LMO7: variants seen among roughly 807,000 people sequenced by gnomAD.
LMO7 encodes the protein LIM domain only protein 7.
Under a neutral mutation model 206.5 loss-of-function variants are expected in LMO7, and 120 were observed. The observed-to-expected ratio is 0.58, with a 90% CI of 0.50 to 0.68. The LOEUF is 0.68. Ranked by LOEUF, LMO7 falls within the 30% of genes least tolerant of loss-of-function variation. LMO7 has a pLI of 0.00. For synonymous variants in LMO7, 706 were observed against 681.5 expected (o/e 1.04, Z -0.56); for missense variants, 1,959 against 1,957.9 (o/e 1.00, Z -0.01).
At chr13:75,751,794 T>G (rs1377860238) in intron 3 of LMO7, among the ~76,000 whole-genome samples, 2 of 152,230 alleles carry the variant, frequency 1.3e-5, no homozygotes, top group African/African-American at 4.8e-5. Context: ...CTCAGGAAGT[T>G]TTTGCAGTAG....
At chr13:75,661,679 C>G (rs781726693) in intron 1 of LMO7, among the ~76,000 whole-genome samples, 4 of 152,180 alleles carry the variant, frequency 2.6e-5, no homozygotes, top group Non-Finnish European at 4.4e-5. Context: ...GGAAAATGTC[C>G]CCTGCGCCAG....
intron 1 of LMO7, among the ~76,000 whole-genome samples, chr13:75,680,632 T>C (rs1450499586): frequency 6.6e-6 from 1 of 152,038 alleles, no homozygotes; most frequent in Admixed American, 6.6e-5. Context: ...GCAGTTTTAT[T>C]ACATAGGATA....
chr13:75,846,128 T>C (rs962627620), intron 26 of LMO7, among the ~76,000 whole-genome samples: 1 of 152,064 alleles, frequency 6.6e-6, no homozygotes, highest in South Asian at 2.1e-4. Flanking sequence ...TCTGTTTTCA[T>C]GTGTTATCTT....
At chr13:75,842,459 G>T (rs545045042) in intron 24 of LMO7, among the ~76,000 whole-genome samples, 9 of 151,956 alleles carry the variant, frequency 5.9e-5, no homozygotes, top group Non-Finnish European at 1.2e-4. Context: ...TAAAATACAG[G>T]CCCCTTCTCA....
intron 4 of LMO7, among the ~76,000 whole-genome samples, chr13:75,794,028 G>A (rs992024402): frequency 6.6e-6 from 1 of 152,126 alleles, no homozygotes; most frequent in East Asian, 1.9e-4. Flanking sequence ...ATTTCATTAC[G>A]TGGATATGCC....
At chr13:75,809,351 T>C (rs1166919953) in intron 11 of LMO7, among the ~76,000 whole-genome samples, 168 bp downstream of exon 11, 2 of 152,230 alleles carry the variant, frequency 1.3e-5, no homozygotes, top group African/African-American at 2.4e-5. Flanking sequence ...TATTTCTGTG[T>C]CTTGGTGCCC....
At position 75,785,428 on chromosome 13, in the gene LMO7, A is replaced by C. The variant is rs2052267046; in HGVS notation, c.318-9973A>C. On this transcript the variant is annotated intron_variant, in intron 4 of 30. Coordinates refer to ENST00000377534, the MANE Select transcript of LMO7 (RefSeq NM_001306080.2). Reference sequence around the variant, plus strand: ...TGGATTAAAGGAGATAATGTACAATACTCAACATAATGATTGATAGAAAGT... The same window carrying C: ...TGGATTAAAGGAGATAATGTACAATCCTCAACATAATGATTGATAGAAAGT... Among the ~76,000 whole-genome samples, 4 of 152,262 alleles carry C rather than the reference A, an allele frequency of 2.6e-5. No homozygotes were observed. In the East Asian group the frequency reaches 7.7e-4, roughly 29 times the overall value.
At chr13:75,768,235 T>G (rs941680650) in intron 4 of LMO7, among the ~76,000 whole-genome samples, 4 of 152,100 alleles carry the variant, frequency 2.6e-5, no homozygotes, top group Non-Finnish European at 5.9e-5. Flanking sequence ...GCTGCTTAAA[T>G]TTTGCTTACA....
At chr13:75,655,059 C>T (rs1168726900) in intron 1 of LMO7, among the ~76,000 whole-genome samples, 3 of 151,914 alleles carry the variant, frequency 2.0e-5, no homozygotes, top group Admixed American at 6.6e-5. Flanking sequence ...TTAGTAGAGA[C>T]GGGGTTTCAC....
At chr13:75,662,270 C>A (rs973094958) in intron 1 of LMO7, among the ~76,000 whole-genome samples, 2 of 152,170 alleles carry the variant, frequency 1.3e-5, no homozygotes, top group Non-Finnish European at 2.9e-5. Flanking sequence ...TTCAATGGAG[C>A]AAACACCTCT....
intron 1 of LMO7, among the ~76,000 whole-genome samples, chr13:75,646,740 C>T (rs1188074698): frequency 4.6e-5 from 7 of 152,062 alleles, no homozygotes; most frequent in South Asian, 4.1e-4. Context: ...TGTGCCACCA[C>T]ACCCGGCTGA....
At chr13:75,625,427 ATGTGTGTGTG>A (rs59334649) in intron 2 of LMO7, among the ~76,000 whole-genome samples, 5 of 103,556 alleles carry the variant, frequency 4.8e-5, no homozygotes, top group Admixed American at 2.6e-4. Context: ...GTGTGTGTGC[ATGTGTGTGTG>A]TGTGTGTGTG....
At chr13:75,805,018 A>C (rs2055258027) in intron 8 of LMO7, 1 of 1,000,436 alleles carries the variant, frequency 1.0e-6, no homozygotes, top group Admixed American at 5.6e-5. Flanking sequence ...GTTTTGGATG[A>C]CTTAGCCAAC....
At chr13:75,686,360 G>A (rs1464475333) in intron 1 of LMO7, among the ~76,000 whole-genome samples, 1 of 152,040 alleles carries the variant, frequency 6.6e-6, no homozygotes, top group Non-Finnish European at 1.5e-5. Flanking sequence ...GATCTCGTGA[G>A]ACTTAATCAT....
intron 29 of LMO7, among the ~76,000 whole-genome samples, chr13:75,855,666 T>C (rs556856546): frequency 6.6e-6 from 1 of 152,368 alleles, no homozygotes; most frequent in Admixed American, 6.5e-5. Context: ...ACTTGAAATA[T>C]AATTTACAAA....
At chr13:75,714,776 A>G (rs1209665870) in intron 2 of LMO7, among the ~76,000 whole-genome samples, 1 of 152,178 alleles carries the variant, frequency 6.6e-6, no homozygotes, top group Non-Finnish European at 1.5e-5. Flanking sequence ...ATTTGAAAAC[A>G]GTATGATTTA....
chr13:75,651,508 C>T lies in LMO7; in HGVS notation c.69+14782C>T, dbSNP rs577162362. 3.3e-5 allele frequency among the ~76,000 whole-genome samples: 5 copies of T among 152,064 alleles called. No homozygotes were observed. In the East Asian group the frequency reaches 7.8e-4, roughly 24 times the overall value. ...TATTTTTAGTAGAGACGGGGTTTCA[C>T]TTTGTTGACCAGCCTGGTCTTGAAC... On this transcript the variant is annotated intron_variant, in intron 1 of 30. Coordinates refer to ENST00000377534, the MANE Select transcript of LMO7 (RefSeq NM_001306080.2).
exon 1 of LMO7, chr13:75,621,496 A>G (rs1287900064): frequency 3.1e-6 from 1 of 325,886 alleles, no homozygotes; most frequent in Non-Finnish European, 5.5e-6. Context: ...TTTCTTTTTG[A>G]TAACTATGTT....
At chr13:75,701,157 G>C (rs1248853381) in intron 1 of LMO7, among the ~76,000 whole-genome samples, 2 of 38,282 alleles carry the variant, frequency 5.2e-5, no homozygotes, top group Non-Finnish European at 9.7e-5. Flanking sequence ...CTTCTGGAAG[G>C]TTGACATGTA....
Sources: allele counts gnomAD v4.1 joint callset (sites outside exome capture counted in the v4.1 genomes callset), GRCh38; gene constraint gnomAD v4.1.1; transcripts MANE v1.5; gene names NCBI Gene and HGNC (gene_info 2026-07-23, HGNC 2026-07-21).